NFXL1: variants seen among roughly 807,000 people sequenced by gnomAD.
NFXL1 encodes the protein nuclear transcription factor, X-box binding like 1, also known as NF-X1-type zinc finger protein NFXL1.
Under a neutral mutation model 123.3 loss-of-function variants are expected in NFXL1, and 66 were observed. That is an observed-to-expected ratio of 0.54 (90% CI 0.44 to 0.66). The LOEUF (loss-of-function observed/expected upper bound fraction) is 0.66. NFXL1 is among the 30% of genes least tolerant of loss of function. The probability of loss-of-function intolerance (pLI) is 0.00; values close to 1 mark genes in which losing one functional copy is unlikely to be tolerated. For missense variants in NFXL1, 944 were observed against 1,125.6 expected, an observed-to-expected ratio of 0.84 and a Z score of 2.31; for synonymous variants, 346 against 360.8, an observed-to-expected ratio of 0.96 and a Z score of 0.46.
In NFXL1 at chr4:47,848,330, G is replaced by C. The variant is rs1228109502; in HGVS notation, c.2569C>G (p.Leu857Val). 1 of 1,595,400 alleles carries C rather than the reference G, an allele frequency of 6.3e-7. No individual in the cohort carries two copies. The highest frequency in any genetic ancestry group is 1.8e-5 in the Admixed American group (1 of 57,092). The change falls in exon 23 of 23, where the codon CTA becomes GTA. Residue 857 changes from leucine (L) to valine (V), a missense_variant. Physicochemically the swap from Leu to Val is conservative, Grantham distance 32. Transcript: ENST00000507489. ...EEEKRRQQAE[L>V]EAFENRLKGR... Reference sequence around the variant, plus strand: ...TTCAGTCTGTTTTCAAAAGCTTCTAGTTCAGCCTAAATAAAAACAGCATCA... The same window carrying C: ...TTCAGTCTGTTTTCAAAAGCTTCTACTTCAGCCTAAATAAAAACAGCATCA...
chr4:47,848,350 G>T lies in NFXL1; in HGVS notation c.2563-14C>A. 4 of 1,569,492 alleles carry T rather than the reference G, an allele frequency of 2.5e-6. No homozygotes were observed. Among genetic ancestry groups the T allele is most frequent in the South Asian group, 2.4e-5 (2 of 84,992 alleles). ...TTCTAGTTCAGCCTAAATAAAAACA[G>T]CATCATTTTAATTAAATTCAATGCA... On this transcript the variant is annotated splice_polypyrimidine_tract_variant and intron_variant, in intron 22 of 22. Transcript: ENST00000507489.
rs775485307 is a variant in NFXL1, at chr4:47,899,383, G to T, written c.813C>A (p.Leu271=). The change falls in exon 6 of 23, where the codon CTC becomes CTA. Residue 271 remains leucine, a synonymous_variant. Transcript: ENST00000507489. ...TATATAACTCACCTGGATGACAGAG[G>T]AGTAAACATTTATGGCCACAAGGAG... ...FKPPCGHKCL[L]LCHPGPCPPC... 2.5e-6 allele frequency: 4 copies of T among 1,613,062 alleles called. No individual in the cohort carries two copies. In the South Asian group the frequency reaches 4.4e-5, roughly 18 times the overall value.
intron 5 of NFXL1, among the ~76,000 whole-genome samples, chr4:47,901,554 AAAT>A (rs1358156984): frequency 6.6e-6 from 1 of 152,254 alleles, no homozygotes; most frequent in African/African-American, 2.4e-5. Context: ...CACCACCAGT[AAAT>A]AATATGCAGG....
chr4:47,912,990 G>A (rs186382759), intron 2 of NFXL1, among the ~76,000 whole-genome samples: 49 of 140,818 alleles, frequency 3.5e-4, no homozygotes, highest in African/African-American at 1.3e-3. Flanking sequence ...TCCAGCCTGG[G>A]CGACCAGCGA....
At chr4:47,906,446 C>T (rs1189718913) in intron 3 of NFXL1, among the ~76,000 whole-genome samples, 1 of 152,074 alleles carries the variant, frequency 6.6e-6, no homozygotes, top group African/African-American at 2.4e-5. Flanking sequence ...AAACACGGCA[C>T]TTACAAAAGC....
intron 11 of NFXL1, 24 bp downstream of exon 11, chr4:47,894,156 G>A (rs1736940080): frequency 1.3e-6 from 2 of 1,559,384 alleles, no homozygotes; most frequent in South Asian, 2.5e-5. Context: ...TTAAATCAGA[G>A]GTTTCCAAGG....
At chr4:47,874,514 T>C (rs1735628570) in intron 18 of NFXL1, among the ~76,000 whole-genome samples, 1 of 152,192 alleles carries the variant, frequency 6.6e-6, no homozygotes, top group Non-Finnish European at 1.5e-5. Context: ...ATTCACTGTC[T>C]CACAGAAGTG....
rs540874859 is a variant in NFXL1, at chr4:47,898,799, T to A, written c.1047A>T (p.Val349=). ...SRQKCVCGKK[V]AERSCASPLW... ...GTGGACTTGCACAACTTCTTTCAGCTACTTTTTTGCCACAGACACACTTTT... is the reference window on the plus strand; with the variant it reads ...GTGGACTTGCACAACTTCTTTCAGCAACTTTTTTGCCACAGACACACTTTT... Residue 349 remains valine (V), a synonymous_variant, in exon 8 of 23, where the codon GTA becomes GTT. Coordinates refer to ENST00000507489, the MANE Select transcript of NFXL1 (RefSeq NM_001278624.2). 6.2e-7 allele frequency: 1 copy of A among 1,613,920 alleles called. No individual in the cohort carries two copies. Among genetic ancestry groups the A allele is most frequent in the Admixed American group, 1.7e-5 (1 of 59,998 alleles).
chr4:47,852,773 T>C (rs1734197089), intron 20 of NFXL1, among the ~76,000 whole-genome samples: 1 of 152,064 alleles, frequency 6.6e-6, no homozygotes, highest in Non-Finnish European at 1.5e-5. Flanking sequence ...CTTTTATTCA[T>C]TCATTTATTG....
intron 19 of NFXL1, among the ~76,000 whole-genome samples, chr4:47,856,618 C>T (rs1734431364): frequency 6.6e-6 from 1 of 152,124 alleles, no homozygotes; most frequent in Admixed American, 6.5e-5. Context: ...TTTCCATTGT[C>T]TTTAGTCTCT....
intron 13 of NFXL1, 82 bp downstream of exon 13, chr4:47,885,797 G>C: frequency 6.7e-7 from 1 of 1,489,016 alleles, no homozygotes. Flanking sequence ...AAACACTAAA[G>C]CAAAATTAAA....
chr4:47,899,235 A>G (rs1737258217), intron 6 of NFXL1, 115 bp from the exon 7 acceptor site: 1 of 1,280,900 alleles, frequency 7.8e-7, no homozygotes, highest in Non-Finnish European at 1.1e-6. Context: ...CTGACACTTT[A>G]CAAAAGGCAA....
At chr4:47,910,294 G>A (rs966946958) in intron 3 of NFXL1, among the ~76,000 whole-genome samples, 2 of 152,056 alleles carry the variant, frequency 1.3e-5, no homozygotes, top group African/African-American at 2.4e-5. Context: ...AGTGAACTAC[G>A]CACCACTACG....
At position 47,903,364 on chromosome 4, in the gene NFXL1, C is replaced by A. The variant is rs560157648; in HGVS notation, c.517-41G>T. 2.3e-5 allele frequency: 31 copies of A among 1,357,090 alleles called. No homozygotes were observed. In the South Asian group the frequency reaches 5.1e-4, roughly 22 times the overall value. 84.1% of individuals were successfully genotyped at this position (1,357,090 alleles called of 1,614,324 possible). A position where few individuals can be genotyped will look rare whatever the true frequency, so the allele number is the denominator to read the frequency against. On this transcript the variant is annotated intron_variant, in intron 4 of 22. Transcript: ENST00000507489. ...CAGAAGTTAATATATGTTAATTTTT[C>A]TTTGTTAATTGTAAAATAATTTAAA...
Position 47,884,329 on chromosome 4 carries a change from G to A in NFXL1, c.1916+17C>T. ...AGTTTTTTGTTTTTTTTTTTTAATTGAAATTCTAATACTTACATAGGAATA... is the reference window on the plus strand; with the variant it reads ...AGTTTTTTGTTTTTTTTTTTTAATTAAAATTCTAATACTTACATAGGAATA... On this transcript the variant is annotated intron_variant, in intron 15 of 22. Transcript: ENST00000507489. 1 of 1,291,348 alleles carries A rather than the reference G, an allele frequency of 7.7e-7. No individual in the cohort carries two copies. Among genetic ancestry groups the A allele is most frequent in the Non-Finnish European group, 1.1e-6 (1 of 914,914 alleles). The allele number at this position is 1,291,348 out of a possible 1,614,324, so 80.0% of individuals were successfully genotyped here. A position where few individuals can be genotyped will look rare whatever the true frequency, so the allele number is the denominator to read the frequency against.
chr4:47,856,918 C>G (rs756065239), intron 19 of NFXL1, among the ~76,000 whole-genome samples: 2 of 152,164 alleles, frequency 1.3e-5, no homozygotes, highest in Non-Finnish European at 2.9e-5. Flanking sequence ...TCATTCTTAC[C>G]TTCATTCCTG....
intron 12 of NFXL1, among the ~76,000 whole-genome samples, chr4:47,889,047 T>C (rs2110084593): frequency 6.6e-6 from 1 of 152,326 alleles, no homozygotes; most frequent in South Asian, 2.1e-4. Flanking sequence ...GTAAGTATGA[T>C]ATTTGCTCTA....
In NFXL1 at chr4:47,899,391, AT is replaced by A. The variant is rs1737266089; in HGVS notation, c.804del (p.Lys268AsnfsTer82). The A allele has an allele frequency of 6.2e-7, 1 of 1,613,626 alleles. No individual in the cohort carries two copies. The highest frequency in any genetic ancestry group is 1.3e-5 in the African/African-American group (1 of 74,914). ...EREFKPPCGH[K>X]CLLLCHPGPC... is the part of the protein sequence containing the mutation. ...TCACCTGGATGACAGAGGAGTAAAC[AT>A]TTATGGCCACAAGGAGGTTTAAATT... On this transcript the variant is annotated frameshift_variant, in exon 6 of 23. Transcript: ENST00000507489. LOFTEE classifies it high-confidence loss of function.
rs767486278 is a variant in NFXL1 at position 47,898,854 on chromosome 4, C to T, written c.992G>A (p.Ser331Asn). Residue 331 changes from serine to asparagine, a missense_variant, in exon 8 of 23, where the codon AGC becomes AAC. Ser to Asn is a conservative substitution (Grantham distance 46). Transcript: ENST00000507489. The stretch of plus-strand genomic sequence containing the variant: ...ACTAACTCTTGGACAAGGCTGACAG[C>T]TTCCTAAAACCAGAATGATAAATTA... ...HKCENPCHAG[S>N]CQPCPRVSRQ... The T allele has an allele frequency of 1.9e-6, 3 of 1,613,204 alleles. No homozygotes were observed. In the East Asian group the frequency reaches 6.7e-5, roughly 36 times the overall value.
Sources: allele counts gnomAD v4.1 joint callset (sites outside exome capture counted in the v4.1 genomes callset), GRCh38; gene constraint gnomAD v4.1.1; transcripts MANE v1.5; gene names NCBI Gene and HGNC (gene_info 2026-07-23, HGNC 2026-07-21).